The following EYA1 variants were observed in gnomAD, a reference collection of about 807,000 sequenced individuals.
The protein encoded by EYA1 is protein phosphatase EYA1.
A neutral mutation model predicts 82.0 loss-of-function variants in EYA1; 16 were observed. The ratio of observed to expected loss-of-function variants is 0.20; its 90% CI spans 0.13 to 0.30. The LOEUF is 0.30. EYA1 is among the 10% of genes least tolerant of loss of function. The pLI, the probability that EYA1 is intolerant of heterozygous loss-of-function variation, is 1.00. For synonymous variants in EYA1, 261 were observed against 264.4 expected, an observed-to-expected ratio of 0.99 and a Z score of 0.12; for missense variants, 633 against 730.7, an observed-to-expected ratio of 0.87 and a Z score of 1.54.
chr8:71,323,843 T>C (rs898470115), intron 4 of EYA1: 2 of 152,202 alleles, frequency 1.3e-5, no homozygotes, highest in African/African-American at 4.8e-5. Flanking sequence ...AAGAGAGGGA[T>C]TAGTGAGAGA....
intron 2 of EYA1, among the ~76,000 whole-genome samples, chr8:71,449,784 CT>C (rs1807206612): frequency 6.6e-6 from 1 of 152,192 alleles, no homozygotes; most frequent in Admixed American, 6.5e-5. Flanking sequence ...CACAGGAAGA[CT>C]TTTGTTTATA....
At chr8:71,364,077 CA>C (rs1349136024), upstream of EYA1, among the ~76,000 whole-genome samples, 1 of 151,388 alleles carries the variant, frequency 6.6e-6, no homozygotes, top group Non-Finnish European at 1.5e-5. Context: ...TTTATATAAC[CA>C]AATGAAATAT....
At chr8:71,349,860 C>T (rs923089942) in intron 3 of EYA1, among the ~76,000 whole-genome samples, 3 of 152,114 alleles carry the variant, frequency 2.0e-5, no homozygotes, top group African/African-American at 7.2e-5. Flanking sequence ...GAATGGTCAT[C>T]ACAGTGACTA....
intron 2 of EYA1, among the ~76,000 whole-genome samples, chr8:71,410,042 C>T (rs1341362071): frequency 6.6e-6 from 1 of 152,100 alleles, no homozygotes; most frequent in East Asian, 1.9e-4. Context: ...AAGTGGGCTT[C>T]ATCCCTGGGT....
intron 2 of EYA1, among the ~76,000 whole-genome samples, chr8:71,443,089 G>C (rs1391770863): frequency 6.6e-6 from 1 of 152,124 alleles, no homozygotes; most frequent in Non-Finnish European, 1.5e-5. Context: ...AAAAACAACA[G>C]AAGAATGTCA....
intron 12 of EYA1, among the ~76,000 whole-genome samples, chr8:71,230,694 G>A (rs546035714): frequency 9.8e-5 from 15 of 152,312 alleles, no homozygotes; most frequent in African/African-American, 2.9e-4. Flanking sequence ...GAGAAACTAT[G>A]GCGAAACTAG....
chr8:71,544,937 A>G (rs1432258420), intron 1 of EYA1, among the ~76,000 whole-genome samples: 1 of 152,212 alleles, frequency 6.6e-6, no homozygotes, highest in Non-Finnish European at 1.5e-5. Context: ...CCATGAGCCA[A>G]TGACAGGGAT....
At chr8:71,345,784 C>T (rs1825628898) in intron 3 of EYA1, among the ~76,000 whole-genome samples, 1 of 152,142 alleles carries the variant, frequency 6.6e-6, no homozygotes, top group Non-Finnish European at 1.5e-5. Context: ...CCCACTACCC[C>T]TTGAATACAG....
chr8:71,316,889 G>GTAATGTC (rs1278650252), intron 7 of EYA1, among the ~76,000 whole-genome samples: 1 of 152,190 alleles, frequency 6.6e-6, no homozygotes, highest in African/African-American at 2.4e-5. Context: ...CTAACTTTAA[G>GTAATGTC]TAATGTCTAT....
At chr8:71,422,082 C>T (rs554881632) in intron 2 of EYA1, among the ~76,000 whole-genome samples, 1 of 152,260 alleles carries the variant, frequency 6.6e-6, no homozygotes, top group African/African-American at 2.4e-5. Flanking sequence ...TTTGGTTTCA[C>T]TTAACGTAAA....
At chr8:71,449,007 G>T in intron 2 of EYA1, 1 of 167,494 alleles carries the variant, frequency 6.0e-6, no homozygotes. Flanking sequence ...CTGGAGTTAC[G>T]AATGCCGACA....
chr8:71,438,364 ATT>A (rs2129168069), intron 2 of EYA1, among the ~76,000 whole-genome samples: 1 of 151,176 alleles, frequency 6.6e-6, no homozygotes, highest in Admixed American at 6.6e-5. Context: ...TATATAATAT[ATT>A]TATATATAAT....
chr8:71,250,111 T>C (rs1036652562), intron 11 of EYA1, among the ~76,000 whole-genome samples: 13 of 152,132 alleles, frequency 8.5e-5, no homozygotes, highest in Non-Finnish European at 1.5e-4. Flanking sequence ...GGTCTATTCC[T>C]AGGTTGTCAC....
At chr8:71,233,504 C>CA (rs1296048011) in intron 12 of EYA1, among the ~76,000 whole-genome samples, 1 of 146,618 alleles carries the variant, frequency 6.8e-6, no homozygotes, top group Non-Finnish European at 1.5e-5. Context: ...GCAGAGCTTG[C>CA]AGTGAGCCGA....
At chr8:71,215,363 A>AAAAAG (rs1456408880) in intron 16 of EYA1, 24 bp downstream of exon 16, 7 of 1,608,576 alleles carry the variant, frequency 4.4e-6, no homozygotes, top group Non-Finnish European at 6.0e-6. Flanking sequence ...GCTGATTGTT[A>AAAAAG]AAAAGAAAAG....
chr8:71,317,173 G>A (rs144359072), intron 7 of EYA1, among the ~76,000 whole-genome samples: 1 of 152,164 alleles, frequency 6.6e-6, no homozygotes, highest in Non-Finnish European at 1.5e-5. Flanking sequence ...TTTTGGAAAA[G>A]TTGGATGGTA....
intron 12 of EYA1, among the ~76,000 whole-genome samples, chr8:71,223,261 C>G (rs1236502838): frequency 6.6e-6 from 1 of 152,136 alleles, no homozygotes; most frequent in Non-Finnish European, 1.5e-5. Context: ...GCAGATGGCA[C>G]CAGTCAGAGG....
intron 2 of EYA1, among the ~76,000 whole-genome samples, chr8:71,445,337 G>A (rs1806797534): frequency 6.6e-6 from 1 of 152,094 alleles, no homozygotes; most frequent in Non-Finnish European, 1.5e-5. Flanking sequence ...ATTGGTAGCT[G>A]AAATGGAGAC....
intron 9 of EYA1, among the ~76,000 whole-genome samples, chr8:71,298,128 C>A (rs901859454): frequency 3.3e-5 from 5 of 152,014 alleles, no homozygotes; most frequent in African/African-American, 9.7e-5. Flanking sequence ...TTATACAGAA[C>A]TTTTTTTCAT....
Sources: allele counts gnomAD v4.1 joint callset (sites outside exome capture counted in the v4.1 genomes callset), GRCh38; gene constraint gnomAD v4.1.1; transcripts MANE v1.5; gene names NCBI Gene and HGNC (gene_info 2026-07-23, HGNC 2026-07-21).